The following VPS41 variants were observed in gnomAD, a reference collection of about 807,000 sequenced individuals.
VPS41 encodes the protein VPS41 subunit of HOPS complex.
A neutral mutation model predicts 130.9 loss-of-function variants in VPS41; 85 were observed. The observed-to-expected ratio is 0.65, with a 90% confidence interval of 0.55 to 0.78. VPS41 has a LOEUF of 0.78. VPS41 is among the 30% of genes least tolerant of loss of function. The pLI, the probability that VPS41 is intolerant of heterozygous loss-of-function variation, is 0.00. For synonymous variants in VPS41, 335 were observed against 332.9 expected, an observed-to-expected ratio of 1.01 and a Z score of -0.07; for missense variants, 874 against 1,018.7, an observed-to-expected ratio of 0.86 and a Z score of 1.93.
intron 4 of VPS41, among the ~76,000 whole-genome samples, chr7:38,838,228 A>C (rs73123612): frequency 0.21 from 32,271 of 152,046 alleles, 4,386 homozygotes; most frequent in Non-Finnish European, 0.31. Flanking sequence ...AACAACAGGA[A>C]AAAAAACAAA....
chr7:38,735,176 A>G (rs1795739175), intron 25 of VPS41, among the ~76,000 whole-genome samples: 1 of 152,240 alleles, frequency 6.6e-6, no homozygotes, highest in Non-Finnish European at 1.5e-5. Context: ...AAATAATTTC[A>G]AAAGGAAAAC....
intron 10 of VPS41, among the ~76,000 whole-genome samples, chr7:38,787,965 A>G (rs1324726566): frequency 6.6e-6 from 1 of 152,174 alleles, no homozygotes; most frequent in African/African-American, 2.4e-5. Flanking sequence ...GTACAGATGA[A>G]CCACACTGCA....
intron 10 of VPS41, among the ~76,000 whole-genome samples, chr7:38,785,255 C>T (rs1223140160): frequency 6.6e-6 from 1 of 152,188 alleles, no homozygotes; most frequent in Non-Finnish European, 1.5e-5. Context: ...CAGCTTCAGG[C>T]TGTGCTAAGA....
chr7:38,865,331 T>C (rs1786205596), intron 3 of VPS41, among the ~76,000 whole-genome samples: 1 of 152,186 alleles, frequency 6.6e-6, no homozygotes, highest in Non-Finnish European at 1.5e-5. Context: ...ATCAGGCTCT[T>C]TGGCAAAGTT....
intron 7 of VPS41, among the ~76,000 whole-genome samples, chr7:38,815,352 A>C (rs538417757): frequency 1.3e-4 from 20 of 152,234 alleles, no homozygotes; most frequent in Admixed American, 5.2e-4. Context: ...TCAACTCGGG[A>C]GGTGGAGGTT....
chr7:38,732,410 T>A (rs931942958), intron 25 of VPS41, among the ~76,000 whole-genome samples: 2 of 152,222 alleles, frequency 1.3e-5, no homozygotes, highest in Non-Finnish European at 2.9e-5. Flanking sequence ...TACTCCCACA[T>A]ATTAAGTTGG....
chr7:38,874,280 A>G (rs943636753), intron 2 of VPS41, among the ~76,000 whole-genome samples: 16 of 152,194 alleles, frequency 1.1e-4, no homozygotes, highest in African/African-American at 3.4e-4. Flanking sequence ...TACTGTTACT[A>G]CTTACACAGA....
chr7:38,869,281 C>T, intron 2 of VPS41, 28 bp from the exon 3 acceptor site: 2 of 1,503,294 alleles, frequency 1.3e-6, no homozygotes, highest in Admixed American at 1.8e-5. Context: ...AAAAATGACA[C>T]CCGTCAGAGA....
At chr7:38,758,519 C>A in intron 17 of VPS41, 38 bp from the exon 18 acceptor site, 1 of 1,592,140 alleles carries the variant, frequency 6.3e-7, no homozygotes, top group South Asian at 1.1e-5. Context: ...AACACTCATT[C>A]AACAGAATAA....
Position 38,831,263 on chromosome 7 carries a change from A to G in VPS41, c.247-935T>C, listed in dbSNP as rs540023310. On this transcript the variant is annotated intron_variant, in intron 4 of 28. Transcript: ENST00000310301. ...ATCTGGTTGTAAGCTGCCTCAAATT[A>G]TAATTTAGTAAGTGTGTGCAGCCTA... 74 of 471,170 alleles carry G rather than the reference A, an allele frequency of 1.6e-4. No homozygotes were observed. The East Asian group carries it at 3.0e-3, about 19-fold the overall frequency. 29.2% of individuals were successfully genotyped at this position (471,170 alleles called of 1,614,324 possible).
At chr7:38,789,384 T>C (rs1235116805) in intron 10 of VPS41, among the ~76,000 whole-genome samples, 1 of 152,120 alleles carries the variant, frequency 6.6e-6, no homozygotes, top group Admixed American at 6.6e-5. Context: ...GCTTTCCCAG[T>C]GCTTTCCCTG....
chr7:38,810,151 T>C (rs1584406686), intron 7 of VPS41, among the ~76,000 whole-genome samples: 1 of 152,176 alleles, frequency 6.6e-6, no homozygotes, highest in African/African-American at 2.4e-5. Context: ...ATAAGCTTTT[T>C]ATGCTCATGT....
chr7:38,779,119 G>A (rs961298488), intron 10 of VPS41, among the ~76,000 whole-genome samples: 1 of 152,134 alleles, frequency 6.6e-6, no homozygotes, highest in Non-Finnish European at 1.5e-5. Flanking sequence ...TGTAATAAAC[G>A]CTTACTTGTT....
intron 4 of VPS41, among the ~76,000 whole-genome samples, chr7:38,844,042 GTATT>G (rs1441874011): frequency 1.3e-5 from 2 of 152,266 alleles, no homozygotes; most frequent in Non-Finnish European, 2.9e-5. Context: ...TAAGCGAAAG[GTATT>G]TATTTAAGTT....
At chr7:38,803,765 G>A (rs1279135314) in intron 7 of VPS41, among the ~76,000 whole-genome samples, 1 of 152,130 alleles carries the variant, frequency 6.6e-6, no homozygotes, top group Non-Finnish European at 1.5e-5. Context: ...ATGGCAAATG[G>A]GGTCTTGAAC....
chr7:38,799,566 A>G (rs1413878472), intron 7 of VPS41, among the ~76,000 whole-genome samples: 1 of 152,198 alleles, frequency 6.6e-6, no homozygotes, highest in Non-Finnish European at 1.5e-5. Context: ...AGAACTCAAT[A>G]AACAGAAAGG....
chr7:38,737,574 C>A (rs1795793701), intron 25 of VPS41, among the ~76,000 whole-genome samples: 1 of 152,106 alleles, frequency 6.6e-6, no homozygotes, highest in African/African-American at 2.4e-5. Context: ...ATGACATGGG[C>A]AAATCATGCA....
intron 10 of VPS41, among the ~76,000 whole-genome samples, chr7:38,788,803 C>T (rs1784484475): frequency 6.6e-6 from 1 of 152,094 alleles, no homozygotes; most frequent in East Asian, 1.9e-4. Flanking sequence ...AAGATTAAAA[C>T]TCTACCACCA....
intron 2 of VPS41, among the ~76,000 whole-genome samples, chr7:38,889,618 A>G (rs1233651520): frequency 6.6e-6 from 1 of 152,038 alleles, no homozygotes; most frequent in Non-Finnish European, 1.5e-5. Context: ...ATATTAAAAA[A>G]TTTAAAAATT....
Sources: allele counts gnomAD v4.1 joint callset (sites outside exome capture counted in the v4.1 genomes callset), GRCh38; gene constraint gnomAD v4.1.1; transcripts MANE v1.5; gene names NCBI Gene and HGNC (gene_info 2026-07-23, HGNC 2026-07-21).